The following ZNF350 variants were observed in gnomAD, a reference collection of about 807,000 sequenced individuals.
ZNF350 encodes zinc finger protein 350.
ZNF350 carries 5 observed loss-of-function variants against 13.1 expected under a neutral mutation model. The ratio of observed to expected loss-of-function variants is 0.38; its 90% CI spans 0.20 to 0.80. The LOEUF (loss-of-function observed/expected upper bound fraction) is 0.80. Among genes scored for constraint, ZNF350 ranks in the 30% least tolerant of loss-of-function variants. The pLI, the probability that ZNF350 is intolerant of heterozygous loss-of-function variation, is 0.43. For missense variants in ZNF350, 534 were observed against 644.2 expected (o/e 0.83, Z 1.85); for synonymous variants, 199 against 224.2 (o/e 0.89, Z 1.00).
At chr19:51,974,708 G>A (rs2085837109) in intron 1 of ZNF350, 177 bp from the exon 2 acceptor site, 2 of 191,838 alleles carry the variant, frequency 1.0e-5, no homozygotes, top group South Asian at 1.5e-4. Flanking sequence ...GATTCTTAAT[G>A]TGGTGGAGGT....
chr19:51,971,567 A>G (rs1447782447), intron 2 of ZNF350, among the ~76,000 whole-genome samples: 2 of 152,206 alleles, frequency 1.3e-5, no homozygotes, highest in African/African-American at 4.8e-5. Context: ...TCTGGAGGCA[A>G]TCACTCCCTG....
At chr19:51,973,077 G>A (rs908426376) in intron 2 of ZNF350, 2 of 151,256 alleles carry the variant, frequency 1.3e-5, no homozygotes, top group African/African-American at 4.9e-5. Context: ...CTCCCGAGTA[G>A]CTGGGACTAC....
rs770242117 is a variant in ZNF350, at chr19:51,965,663, AT to A, written c.789del (p.Glu263AspfsTer72). On this transcript the variant is annotated frameshift_variant, in exon 5 of 5. Transcript: ENST00000243644. LOFTEE classifies it low-confidence loss of function (END_TRUNC). ...QRTHTGEKPYECPECGKAFLK... is the reference protein window; with the variant it reads ...QRTHTGEKPYXCPECGKAFLK... ...AGAAAGGCTTTGCCACATTCAGGGC[AT>A]TCATAAGGTTTTTCTCCTGTATGAG... 1 of 1,614,184 alleles carries A rather than the reference AT, an allele frequency of 6.2e-7. No individual in the cohort carries two copies. The highest frequency in any genetic ancestry group is 1.1e-5 in the South Asian group (1 of 91,084).
intron 1 of ZNF350, 121 bp from the exon 2 acceptor site, chr19:51,974,652 G>C: frequency 1.1e-5 from 3 of 281,636 alleles, no homozygotes; most frequent in Non-Finnish European, 2.0e-5. Context: ...ATATACCTTT[G>C]TTTGGAGCCC....
chr19:51,966,281 G>GTTT lies in ZNF350; in HGVS notation c.239-70_239-68dup, dbSNP rs72177430. The GTTT allele has an allele frequency of 1.7e-4, 238 of 1,408,964 alleles. No individual in the cohort carries two copies. The African/African-American group carries it at 2.4e-3, about 14-fold the overall frequency. 87.3% of individuals were successfully genotyped at this position (1,408,964 alleles called of 1,614,324 possible). A position where few individuals can be genotyped will look rare whatever the true frequency, so the allele number is the denominator to read the frequency against. On this transcript the variant is annotated intron_variant, in intron 4 of 4. Transcript: ENST00000243644. ...GGTAAAAGTTTGTTGTGGTTTTTTTGTTTTTTTTGTTTTTTTTTTTAAGAT... is the reference window on the plus strand; with the variant it reads ...GGTAAAAGTTTGTTGTGGTTTTTTTGTTTTTTTTTTTGTTTTTTTTTTTAAGAT...
At chr19:51,972,142 G>A (rs149108341) in intron 2 of ZNF350, among the ~76,000 whole-genome samples, 258 of 151,950 alleles carry the variant, frequency 1.7e-3, no homozygotes, top group African/African-American at 4.6e-3. Flanking sequence ...TATAGCCAAG[G>A]AGCAGAGTAT....
intron 4 of ZNF350, among the ~76,000 whole-genome samples, chr19:51,967,889 C>T (rs2085623839): frequency 6.6e-6 from 1 of 152,112 alleles, no homozygotes. Flanking sequence ...ACTAGGAACT[C>T]AGGGGAGAGT....
At chr19:51,968,820 A>G (rs2085650594) in intron 3 of ZNF350, 147 bp from the exon 4 acceptor site, 3 of 1,445,110 alleles carry the variant, frequency 2.1e-6, no homozygotes, top group Non-Finnish European at 2.8e-6. Context: ...GTTTCGTTTC[A>G]TATCTGTAAC....
At chr19:51,966,450 A>G (rs2085576924) in intron 4 of ZNF350, among the ~76,000 whole-genome samples, 1 of 151,458 alleles carries the variant, frequency 6.6e-6, no homozygotes, top group Admixed American at 6.6e-5. Context: ...TGCCCGGCTA[A>G]TTTTTGTAGT....
intron 1 of ZNF350, among the ~76,000 whole-genome samples, chr19:51,984,551 C>G (rs536457702): frequency 1.3e-5 from 2 of 152,278 alleles, no homozygotes; most frequent in South Asian, 4.1e-4. Context: ...CTGCCTCCCC[C>G]ATATGAGAGC....
intron 1 of ZNF350, among the ~76,000 whole-genome samples, chr19:51,979,695 G>C (rs2085986822): frequency 6.6e-6 from 1 of 152,228 alleles, no homozygotes; most frequent in Non-Finnish European, 1.5e-5. Context: ...TGTGGACCCA[G>C]TGTCTTGATC....
At chr19:51,978,528 A>G (rs2085953748) in intron 1 of ZNF350, among the ~76,000 whole-genome samples, 1 of 152,192 alleles carries the variant, frequency 6.6e-6, no homozygotes, top group Non-Finnish European at 1.5e-5. Flanking sequence ...CTTCCCCATG[A>G]AAAGAGAAAT....
At position 51,968,779 on chromosome 19, in the gene ZNF350, A is replaced by C. The variant is rs2085649650; in HGVS notation, c.143-106T>G. ...GAAACTTGAGTTTCTTAAAATACCC[A>C]AAATTTAGTTTCTTATCTGAAACTA... On this transcript the variant is annotated intron_variant, in intron 3 of 4. Coordinates refer to ENST00000243644, the MANE Select transcript of ZNF350 (RefSeq NM_021632.4). The C allele has an allele frequency of 4.2e-6, 6 of 1,438,142 alleles. No individual in the cohort carries two copies. In the South Asian group the frequency reaches 7.6e-5, roughly 18 times the overall value. 89.1% of individuals were successfully genotyped at this position (1,438,142 alleles called of 1,614,324 possible).
chr19:51,979,439 A>G (rs970070120), intron 1 of ZNF350, among the ~76,000 whole-genome samples: 4 of 152,120 alleles, frequency 2.6e-5, no homozygotes, highest in East Asian at 3.9e-4. Context: ...TCTCAGAACA[A>G]TGTCATTAAT....
chr19:51,979,408 C>T (rs538711104), intron 1 of ZNF350, among the ~76,000 whole-genome samples: 119 of 152,118 alleles, frequency 7.8e-4, no homozygotes, highest in Non-Finnish European at 1.4e-3. Flanking sequence ...CCTAACTCCC[C>T]GTGACATAGA....
intron 1 of ZNF350, among the ~76,000 whole-genome samples, chr19:51,986,301 C>G (rs1236944614): frequency 6.6e-6 from 1 of 152,116 alleles, no homozygotes; most frequent in Non-Finnish European, 1.5e-5. Flanking sequence ...TCCAAAGTCT[C>G]GAAAGCTTCA....
chr19:51,966,100 C>CT lies in ZNF350; in HGVS notation c.352dup (p.Ser118LysfsTer10), dbSNP rs1429655950. ...ATGATTTTGCCCTAACAGAAACTGA[C>CT]TTTTGCTGCAATGAACAATATTTTC... is the stretch of plus-strand genomic sequence containing the variant. On this transcript the variant is annotated frameshift_variant, in exon 5 of 5. Transcript: ENST00000243644. LOFTEE classifies it low-confidence loss of function (END_TRUNC). The CT allele has an allele frequency of 6.2e-7, 1 of 1,614,066 alleles. No individual in the cohort carries two copies. Among genetic ancestry groups the CT allele is most frequent in the Non-Finnish European group, 8.5e-7 (1 of 1,180,014 alleles).
intron 1 of ZNF350, among the ~76,000 whole-genome samples, chr19:51,975,149 C>T (rs2085848509): frequency 6.6e-6 from 1 of 152,176 alleles, no homozygotes; most frequent in African/African-American, 2.4e-5. Flanking sequence ...AAAGGTTGCA[C>T]ACTACATGTA....
intron 1 of ZNF350, among the ~76,000 whole-genome samples, chr19:51,979,486 A>G (rs115122020): frequency 0.027 from 4,069 of 152,244 alleles, 69 homozygotes; most frequent in Non-Finnish European, 0.038. Context: ...TTTGTTTATC[A>G]CCACAAAGAC....
Sources: allele counts gnomAD v4.1 joint callset (sites outside exome capture counted in the v4.1 genomes callset), GRCh38; gene constraint gnomAD v4.1.1; transcripts MANE v1.5; gene names NCBI Gene and HGNC (gene_info 2026-07-23, HGNC 2026-07-21).